EIF4G3: variants seen among roughly 807,000 people sequenced by gnomAD.
The protein encoded by EIF4G3 is eukaryotic translation initiation factor 4 gamma 3.
EIF4G3 carries 34 observed loss-of-function variants against 186.4 expected under a neutral mutation model. The observed-to-expected ratio is 0.18, with a 90% confidence interval of 0.14 to 0.24. The LOEUF (loss-of-function observed/expected upper bound fraction) is 0.24. Among genes scored for constraint, EIF4G3 ranks in the 10% least tolerant of loss-of-function variants. EIF4G3 has a pLI of 1.00. For missense variants in EIF4G3, 1,536 were observed against 1,948.5 expected (o/e 0.79, Z 3.99); for synonymous variants, 673 against 679.5 (o/e 0.99, Z 0.15).
At chr1:20,960,517 T>C (rs952507523) in intron 12 of EIF4G3, among the ~76,000 whole-genome samples, 1 of 152,014 alleles carries the variant, frequency 6.6e-6, no homozygotes, top group Non-Finnish European at 1.5e-5. Context: ...TCTGGGAGGC[T>C]GAGGCAGGAT....
chr1:21,022,432 T>A (rs1316014073), intron 4 of EIF4G3, among the ~76,000 whole-genome samples: 1 of 152,218 alleles, frequency 6.6e-6, no homozygotes, highest in Non-Finnish European at 1.5e-5. Context: ...ACAGACATCA[T>A]GCACACTGAA....
intron 3 of EIF4G3, among the ~76,000 whole-genome samples, chr1:21,074,190 A>G (rs1024167400): frequency 6.6e-6 from 1 of 152,182 alleles, no homozygotes; most frequent in Non-Finnish European, 1.5e-5. Flanking sequence ...ATTCTTTATC[A>G]TGAGATTGTT....
intron 4 of EIF4G3, among the ~76,000 whole-genome samples, chr1:21,022,981 A>G (rs2091106996): frequency 6.6e-6 from 1 of 152,168 alleles, no homozygotes; most frequent in Non-Finnish European, 1.5e-5. Context: ...AATTAGTAGT[A>G]CCCTCAGTTA....
chr1:21,080,544 C>G (rs1341278467), intron 3 of EIF4G3, among the ~76,000 whole-genome samples: 16 of 152,072 alleles, frequency 1.1e-4, no homozygotes, highest in Admixed American at 7.9e-4. Flanking sequence ...GGGTCTCACT[C>G]TGTTGCCCAG....
intron 22 of EIF4G3, among the ~76,000 whole-genome samples, chr1:20,863,712 G>A (rs953326390): frequency 4.6e-5 from 7 of 151,220 alleles, no homozygotes; most frequent in Non-Finnish European, 1.0e-4. Context: ...CCAAAGTGCT[G>A]GGATTACAAG....
chr1:20,859,394 A>C (rs901225338), intron 24 of EIF4G3, among the ~76,000 whole-genome samples: 2 of 152,254 alleles, frequency 1.3e-5, no homozygotes, highest in African/African-American at 4.8e-5. Flanking sequence ...TGCAGAATTC[A>C]TCTCTCCTAA....
At chr1:21,036,161 A>G (rs2093178282) in intron 4 of EIF4G3, among the ~76,000 whole-genome samples, 1 of 151,760 alleles carries the variant, frequency 6.6e-6, no homozygotes, top group African/African-American at 2.4e-5. Flanking sequence ...CTCTCTGCTG[A>G]GAGCTGCAGA....
At chr1:21,151,232 C>CT (rs1385422514) in intron 2 of EIF4G3, among the ~76,000 whole-genome samples, 1 of 33,836 alleles carries the variant, frequency 3.0e-5, no homozygotes, top group African/African-American at 8.2e-5. Context: ...TATAGTATTT[C>CT]TTTCTTTTTT....
At chr1:21,040,824 G>C (rs2093528785) in intron 4 of EIF4G3, among the ~76,000 whole-genome samples, 1 of 152,178 alleles carries the variant, frequency 6.6e-6, no homozygotes, top group South Asian at 2.1e-4. Context: ...AGAGTATGCA[G>C]CTGTAAAAAC....
intron 33 of EIF4G3, among the ~76,000 whole-genome samples, chr1:20,818,938 T>C (rs2061662391): frequency 6.6e-6 from 1 of 152,164 alleles, no homozygotes; most frequent in Non-Finnish European, 1.5e-5. Flanking sequence ...TAAGGTTTTA[T>C]TATTTATTTA....
At chr1:20,894,339 C>T (rs1486879628) in intron 17 of EIF4G3, among the ~76,000 whole-genome samples, 1 of 152,184 alleles carries the variant, frequency 6.6e-6, no homozygotes, top group African/African-American at 2.4e-5. Flanking sequence ...TAACACTTGA[C>T]TTCTGAGGTA....
At chr1:20,888,539 C>T (rs906620514) in intron 18 of EIF4G3, among the ~76,000 whole-genome samples, 1 of 152,024 alleles carries the variant, frequency 6.6e-6, no homozygotes, top group Admixed American at 6.6e-5. Flanking sequence ...AATAGCAATG[C>T]CTGGAAAACT....
chr1:21,141,721 G>A (rs1255381028), intron 2 of EIF4G3, among the ~76,000 whole-genome samples: 1 of 152,028 alleles, frequency 6.6e-6, no homozygotes, highest in African/African-American at 2.4e-5. Context: ...TTGAACCTAG[G>A]AGTTCAAGAC....
intron 2 of EIF4G3, among the ~76,000 whole-genome samples, chr1:21,157,304 C>A (rs1033105896): frequency 6.6e-6 from 1 of 152,176 alleles, no homozygotes; most frequent in Admixed American, 6.6e-5. Flanking sequence ...CTAGTCCTCA[C>A]TGACTTTCAA....
chr1:20,885,823 T>C (rs997574735), intron 19 of EIF4G3, among the ~76,000 whole-genome samples: 1 of 152,222 alleles, frequency 6.6e-6, no homozygotes, highest in Admixed American at 6.5e-5. Context: ...TTCTAGCTTA[T>C]TGGCAATGAA....
chr1:21,152,945 T>G (rs1415073004), intron 2 of EIF4G3, among the ~76,000 whole-genome samples: 1 of 152,196 alleles, frequency 6.6e-6, no homozygotes, highest in African/African-American at 2.4e-5. Flanking sequence ...TGTGACTGTA[T>G]CTGTGAATAG....
chr1:21,026,642 G>A lies in EIF4G3; in HGVS notation c.-66-23834C>T, dbSNP rs531463306. On this transcript the variant is annotated intron_variant, in intron 4 of 36. Coordinates refer to ENST00000602326, the MANE Select transcript of EIF4G3 (RefSeq NM_001391906.1). ...GAAGAAGAGAAAATATTTGTAAACT[G>A]TACACCTGTTAAAAAGTTAATATCC... Among the ~76,000 whole-genome samples, 10 of 152,118 alleles carry A rather than the reference G, an allele frequency of 6.6e-5. No individual in the cohort carries two copies. The East Asian group carries it at 1.9e-3, about 29-fold the overall frequency.
At chr1:21,113,777 A>G (rs919536357) in intron 2 of EIF4G3, among the ~76,000 whole-genome samples, 4 of 152,160 alleles carry the variant, frequency 2.6e-5, no homozygotes, top group African/African-American at 9.6e-5. Flanking sequence ...GTACTTTGGG[A>G]GGCTGAGGCA....
At chr1:20,977,814 T>C (rs544950576) in intron 10 of EIF4G3, among the ~76,000 whole-genome samples, 2 of 152,332 alleles carry the variant, frequency 1.3e-5, no homozygotes, top group East Asian at 3.9e-4. Flanking sequence ...ATGTCTCTAC[T>C]AGTAAATTCA....
Sources: gnomAD v4.1 joint callset for allele counts (sites outside exome capture counted in the v4.1 genomes callset) on GRCh38, gnomAD v4.1.1 for gene constraint, MANE v1.5 for transcripts, NCBI Gene and HGNC (gene_info 2026-07-23, HGNC 2026-07-21) for gene names.